The following GAREM1 variants were observed in gnomAD, a reference collection of about 807,000 sequenced individuals.
GAREM1 encodes the protein GRB2-associated and regulator of MAPK protein 1.
GAREM1 carries 26 observed loss-of-function variants against 71.3 expected under a neutral mutation model. The observed-to-expected ratio is 0.36, with a 90% CI of 0.27 to 0.51. The LOEUF is 0.51. GAREM1 is among the 20% of genes least tolerant of loss of function. The probability of loss-of-function intolerance (pLI) is 0.95; values close to 1 mark genes in which losing one functional copy is unlikely to be tolerated. For missense variants in GAREM1, 1,026 were observed against 1,103.1 expected, an observed-to-expected ratio of 0.93 and a Z score of 0.99; for synonymous variants, 440 against 433.2, an observed-to-expected ratio of 1.02 and a Z score of -0.20.
rs748527130 is a variant in GAREM1, at chr18:32,268,604, G to T, written c.1898C>A (p.Ala633Glu). ...GTCACTCCTGGTCTGGCTTTCTGATGCTCCTGAATAATGGTTAGGCCATGA... is the reference window on the plus strand; with the variant it reads ...GTCACTCCTGGTCTGGCTTTCTGATTCTCCTGAATAATGGTTAGGCCATGA... ...RLSWPNHYSGASESQTRSDFL... is the reference protein window; with the variant it reads ...RLSWPNHYSGESESQTRSDFL... Residue 633 changes from alanine to glutamate, a missense_variant, in exon 6 of 6, where the codon GCA (alanine) becomes GAA (glutamate). Physicochemically the swap from Ala to Glu is moderately radical, Grantham distance 107. This residue lies in a region of GAREM1 where 636 missense variants were observed against 631.2 expected (regional missense o/e 1.01). Transcript: ENST00000269209. The T allele has an allele frequency of 4.5e-5, 72 of 1,614,010 alleles. No individual in the cohort carries two copies.
rs377465350 is a variant in GAREM1, at chr18:32,335,409, GGA to G, written c.263-25088_263-25087del. The stretch of plus-strand genomic sequence containing the variant: ...TGAAGAGGGAATTACTCTCGTTAAA[GGA>G]CACAGCTTGGGTCCTTACTGGTCTC... On this transcript the variant is annotated intron_variant, in intron 2 of 5. Coordinates refer to ENST00000269209, the MANE Select transcript of GAREM1 (RefSeq NM_001242409.2). Among the ~76,000 whole-genome samples the G allele has an allele frequency of 6.2e-4, 95 of 152,296 alleles. 1 individual carries two copies. In the South Asian group the frequency reaches 0.015, roughly 23 times the overall value.
chr18:32,297,183 A>G (rs971854620), intron 3 of GAREM1, among the ~76,000 whole-genome samples: 1 of 152,216 alleles, frequency 6.6e-6, no homozygotes, highest in Non-Finnish European at 1.5e-5. Flanking sequence ...GTAAAGGTTT[A>G]CTGATACTGG....
intron 3 of GAREM1, among the ~76,000 whole-genome samples, chr18:32,305,366 A>G (rs2047243548): frequency 1.3e-5 from 2 of 152,112 alleles, no homozygotes; most frequent in Non-Finnish European, 2.9e-5. Context: ...GTCATTACCG[A>G]TCTTACTGCC....
At chr18:32,270,806 T>C (rs1173264401) in intron 4 of GAREM1, among the ~76,000 whole-genome samples, 1 of 152,090 alleles carries the variant, frequency 6.6e-6, no homozygotes, top group Admixed American at 6.6e-5. Flanking sequence ...GTTTTTTTCA[T>C]TGTTCAAGCT....
intron 2 of GAREM1, among the ~76,000 whole-genome samples, chr18:32,314,626 T>C (rs2047358145): frequency 6.6e-6 from 1 of 151,796 alleles, no homozygotes; most frequent in African/African-American, 2.4e-5. Flanking sequence ...TCTCGCTCTG[T>C]CTCCCAGGCT....
At chr18:32,403,874 T>C (rs986514244) in intron 1 of GAREM1, among the ~76,000 whole-genome samples, 2 of 152,246 alleles carry the variant, frequency 1.3e-5, no homozygotes, top group African/African-American at 2.4e-5. Context: ...TATGTATTAA[T>C]ATTTAAAGGC....
rs779413073 is a variant in GAREM1 at position 32,345,850 on chromosome 18, G to A, written c.263-35527C>T. ...TGGTGCAGCAGTTAATCATCTTGAC[G>A]GTCTAAACAGTAAATATGCTTTCTA... On this transcript the variant is annotated intron_variant, in intron 2 of 5. Transcript: ENST00000269209. Among the ~76,000 whole-genome samples, 5 of 152,208 alleles carry A rather than the reference G, an allele frequency of 3.3e-5. 1 individual carries two copies. In the South Asian group the frequency reaches 6.2e-4, roughly 19 times the overall value.
At chr18:32,464,269 C>T (rs774082233) in intron 1 of GAREM1, among the ~76,000 whole-genome samples, 3 of 151,420 alleles carry the variant, frequency 2.0e-5, no homozygotes, top group African/African-American at 4.9e-5. Context: ...CCAGCCTGGG[C>T]GACACAAAAA....
intron 1 of GAREM1, among the ~76,000 whole-genome samples, chr18:32,411,949 A>C (rs1249540368): frequency 6.6e-6 from 1 of 152,210 alleles, no homozygotes; most frequent in Admixed American, 6.5e-5. Context: ...GGGTGCAAAA[A>C]AAAAAAATCT....
Position 32,287,294 on chromosome 18 carries a change from A to T in GAREM1, c.1303T>A (p.Phe435Ile). The stretch of plus-strand genomic sequence containing the variant: ...GCTGATTCTTCACTAGCTTCTGGGA[A>T]AAGGTAGTCGCTCCCACTATCTCCA... ...DSGDSGSDYL[F>I]PEASEESAGI... Residue 435 changes from phenylalanine to isoleucine, a missense_variant, in exon 4 of 6, where the codon TTC becomes ATC. Physicochemically the swap from Phe to Ile is conservative, Grantham distance 21. Around this residue, in one of 3 missense-constraint regions of GAREM1, gnomAD observed 636 missense variants for 631.2 expected, o/e 1.01. Coordinates refer to ENST00000269209, the MANE Select transcript of GAREM1 (RefSeq NM_001242409.2). This position sits in a 1 kb window ranked among gnomAD's most constrained non-coding sequence, Gnocchi z 5.9. 1 of 1,614,208 alleles carries T rather than the reference A, an allele frequency of 6.2e-7. No homozygotes were observed. Among genetic ancestry groups the T allele is most frequent in the Non-Finnish European group, 8.5e-7 (1 of 1,180,030 alleles).
intron 3 of GAREM1, among the ~76,000 whole-genome samples, chr18:32,308,075 A>C (rs1055114728): frequency 3.2e-4 from 49 of 152,010 alleles, no homozygotes; most frequent in African/African-American, 1.2e-3. Context: ...GCACCTTAAA[A>C]CTCCATAAGT....
chr18:32,469,765 C>T (rs1399276656), intron 1 of GAREM1, among the ~76,000 whole-genome samples: 1 of 152,148 alleles, frequency 6.6e-6, no homozygotes, highest in East Asian at 1.9e-4. Flanking sequence ...CTACACACAG[C>T]CCCAAATTAC....
intron 1 of GAREM1, among the ~76,000 whole-genome samples, chr18:32,446,605 G>A (rs888254866): frequency 3.3e-5 from 5 of 152,126 alleles, no homozygotes; most frequent in South Asian, 2.1e-4. Flanking sequence ...AATGAAATCC[G>A]TATCTGACTG....
intron 2 of GAREM1, among the ~76,000 whole-genome samples, chr18:32,392,091 T>C (rs958249341): frequency 1.3e-5 from 2 of 152,148 alleles, no homozygotes; most frequent in Non-Finnish European, 2.9e-5. Flanking sequence ...TTATGGTTAG[T>C]TGATTAAGGT....
chr18:32,457,220 AGAGAGAG>A (rs1568018913), intron 1 of GAREM1, among the ~76,000 whole-genome samples: 2 of 109,328 alleles, frequency 1.8e-5, no homozygotes, highest in African/African-American at 3.5e-5. Flanking sequence ...AGAGAGAGAG[AGAGAGAG>A]TGTGTGTGTG....
At chr18:32,464,299 T>C (rs956320018) in intron 1 of GAREM1, among the ~76,000 whole-genome samples, 1 of 150,988 alleles carries the variant, frequency 6.6e-6, no homozygotes, top group Non-Finnish European at 1.5e-5. Context: ...AAGATGTAAG[T>C]GTCTAAGCTC....
rs200438046 is a variant in GAREM1 at position 32,368,908 on chromosome 18, CA to C, written c.262+23986del. ...GCACTTCAGTTTAAATATAGTGAGC[CA>C]AAAAAAAATCTGCTTTGTGAATTCA... On this transcript the variant is annotated intron_variant, in intron 2 of 5. Coordinates refer to ENST00000269209, the MANE Select transcript of GAREM1 (RefSeq NM_001242409.2). 6.6e-3 allele frequency among the ~76,000 whole-genome samples: 985 copies of C among 150,054 alleles called. 18 individuals carry two copies. Among genetic ancestry groups the C allele is most frequent in the African/African-American group, 0.023 (928 of 40,950 alleles).
At chr18:32,341,165 T>C (rs2047643789) in intron 2 of GAREM1, among the ~76,000 whole-genome samples, 1 of 152,116 alleles carries the variant, frequency 6.6e-6, no homozygotes, top group Non-Finnish European at 1.5e-5. Context: ...TGTGTGATGT[T>C]CCCCACCCTG....
chr18:32,266,904 C>T lies in GAREM1; in HGVS notation c.*967G>A, dbSNP rs1295722078. On this transcript the variant is annotated 3_prime_UTR_variant, in exon 6 of 6. Transcript: ENST00000269209. Reference sequence around the variant, plus strand: ...GGGAGTATTACATGCAAAAACCAGCCCTGCGGTGAGTGGGCTTAAACTCAA... The same window carrying T: ...GGGAGTATTACATGCAAAAACCAGCTCTGCGGTGAGTGGGCTTAAACTCAA... 3 of 152,140 alleles carry T rather than the reference C, an allele frequency of 2.0e-5. No individual in the cohort carries two copies. Among genetic ancestry groups the T allele is most frequent in the East Asian group, 1.9e-4 (1 of 5,192 alleles). 9.4% of individuals were successfully genotyped at this position (152,140 alleles called of 1,614,324 possible).
Sources: allele counts gnomAD v4.1 joint callset (sites outside exome capture counted in the v4.1 genomes callset), GRCh38; gene constraint gnomAD v4.1.1; regional missense constraint gnomAD v4.1.1; non-coding constraint Gnocchi (gnomAD v3.1); transcripts MANE v1.5; gene names NCBI Gene and HGNC (gene_info 2026-07-23, HGNC 2026-07-21).